PLCXD1: variants seen among roughly 807,000 people sequenced by gnomAD.
PLCXD1 encodes the protein PI-PLC X domain-containing protein 1.
PLCXD1 carries 45 observed loss-of-function variants against 37.8 expected under a neutral mutation model. The observed-to-expected ratio is 1.19, with a 90% CI of 0.94 to 1.53. The LOEUF (loss-of-function observed/expected upper bound fraction) is 1.53. Ranked by LOEUF, PLCXD1 falls within the 40% of genes most tolerant of loss-of-function variation. PLCXD1 has a pLI of 0.00. For synonymous variants in PLCXD1, 246 were observed against 206.9 expected (o/e 1.19, Z -1.62); for missense variants, 539 against 454.7 (o/e 1.19, Z -1.69).
upstream of PLCXD1, among the ~76,000 whole-genome samples, chrX:279,124 GCA>G (rs1444750472): frequency 1.3e-5 from 2 of 152,190 alleles, no homozygotes; most frequent in African/African-American, 4.8e-5. Flanking sequence ...GGTGCGTGGT[GCA>G]CAGATCATAA....
At chrX:283,697 G>C (rs2069353885) in intron 1 of PLCXD1, 1 of 153,788 alleles carries the variant, frequency 6.5e-6, no homozygotes, top group African/African-American at 2.4e-5. Context: ...CACGGGTGGG[G>C]GCGAGGGCAA....
intron 5 of PLCXD1, 92 bp from the exon 6 acceptor site, chrX:292,943 G>C: frequency 1.2e-6 from 1 of 836,086 alleles, no homozygotes; most frequent in Non-Finnish European, 1.9e-6. Flanking sequence ...TACTCGTGTT[G>C]GGCCGGTGTC....
At chrX:293,909 C>T (rs1286937872) in intron 6 of PLCXD1, among the ~76,000 whole-genome samples, 1 of 152,196 alleles carries the variant, frequency 6.6e-6, no homozygotes, top group Non-Finnish European at 1.5e-5. Context: ...AACAGGGTCT[C>T]TCCTTTTAGG....
chrX:296,245 C>A (rs781492014), intron 6 of PLCXD1, among the ~76,000 whole-genome samples: 1 of 152,086 alleles, frequency 6.6e-6, no homozygotes, highest in Non-Finnish European at 1.5e-5. Flanking sequence ...CTCAGCCTCC[C>A]GAGTAGCTGG....
At position 291,495 on chromosome X, in the gene PLCXD1, C is replaced by T; in HGVS notation, c.394-4C>T. 6.2e-7 allele frequency: 1 copy of T among 1,612,336 alleles called. No homozygotes were observed. The highest frequency in any genetic ancestry group is 8.5e-7 in the Non-Finnish European group (1 of 1,179,816). On this transcript the variant is annotated splice_region_variant and splice_polypyrimidine_tract_variant and intron_variant, in intron 4 of 6. Coordinates refer to ENST00000381657, the MANE Select transcript of PLCXD1 (RefSeq NM_018390.4). ...AGGACTCAGCCCAGCACCCCCCTCCCCAGGACACACTCACGGAAATCTCGG... is the reference window on the plus strand; with the variant it reads ...AGGACTCAGCCCAGCACCCCCCTCCTCAGGACACACTCACGGAAATCTCGG...
At position 285,790 on chromosome X, in the gene PLCXD1, ATAAACT is replaced by A. The variant is rs200104796; in HGVS notation, c.127+1479_127+1484del. Among the ~76,000 whole-genome samples the A allele has an allele frequency of 9.4e-3, 1,430 of 152,258 alleles. 20 individuals carry two copies. The highest frequency in any genetic ancestry group is 0.032 in the African/African-American group (1,350 of 41,544). ...AGATACGTATTGTCAACCTAAGGAA[ATAAACT>A]TAGACAAAATTAATATAAGTAGGGG... On this transcript the variant is annotated intron_variant, in intron 2 of 6. Coordinates refer to ENST00000381657, the MANE Select transcript of PLCXD1 (RefSeq NM_018390.4).
upstream of PLCXD1, among the ~76,000 whole-genome samples, chrX:276,644 C>T (rs758459108): frequency 3.9e-5 from 6 of 152,252 alleles, no homozygotes; most frequent in Non-Finnish European, 5.9e-5. Flanking sequence ...AATTCTCTGC[C>T]GGGTCAGAGC....
intron 6 of PLCXD1, among the ~76,000 whole-genome samples, chrX:294,774 A>G (rs1356270829): frequency 6.6e-6 from 1 of 152,150 alleles, no homozygotes; most frequent in Non-Finnish European, 1.5e-5. Flanking sequence ...AGTGTACTCC[A>G]GCCTGGGCAA....
At chrX:296,943 T>A (rs1208198450) in intron 6 of PLCXD1, among the ~76,000 whole-genome samples, 10 of 128,072 alleles carry the variant, frequency 7.8e-5, no homozygotes, top group African/African-American at 3.0e-4. Context: ...ACATGGGGAT[T>A]AGGACGTGGA....
intron 4 of PLCXD1, 40 bp downstream of exon 4, chrX:290,816 G>A (rs780023632): frequency 1.3e-6 from 2 of 1,590,070 alleles, no homozygotes; most frequent in Admixed American, 3.4e-5. Flanking sequence ...GGGAGAGTGG[G>A]AGGCGGCCGG....
intron 6 of PLCXD1, among the ~76,000 whole-genome samples, chrX:297,359 A>G (rs754086261): frequency 1.6e-4 from 9 of 55,780 alleles, no homozygotes; most frequent in East Asian, 1.1e-3. Context: ...CTTTGGGGCC[A>G]TTATTCTGTC....
chrX:281,948 A>G (rs1384890407), intron 1 of PLCXD1, among the ~76,000 whole-genome samples: 2 of 151,898 alleles, frequency 1.3e-5, no homozygotes, highest in African/African-American at 4.8e-5. Context: ...GGGTTTCACC[A>G]TGTTGGCCAG....
At chrX:278,929 G>C (rs1232803247), upstream of PLCXD1, among the ~76,000 whole-genome samples, 1 of 152,112 alleles carries the variant, frequency 6.6e-6, no homozygotes, top group Non-Finnish European at 1.5e-5. Flanking sequence ...TCGGTGCGAA[G>C]AGACCCCCGA....
chrX:291,785 C>A, intron 5 of PLCXD1, 131 bp downstream of exon 5: 3 of 1,004,520 alleles, frequency 3.0e-6, no homozygotes, highest in Non-Finnish European at 4.7e-6. Context: ...CGAACGGGGG[C>A]TGCCTGCTCT....
intron 6 of PLCXD1, among the ~76,000 whole-genome samples, chrX:294,602 C>T (rs899468882): frequency 6.6e-6 from 1 of 151,648 alleles, no homozygotes; most frequent in Non-Finnish European, 1.5e-5. Flanking sequence ...TGCACTCCAG[C>T]CTGGGCGACA....
At chrX:288,353 G>GGATCCA (rs1387093815) in intron 2 of PLCXD1, among the ~76,000 whole-genome samples, 2 of 150,356 alleles carry the variant, frequency 1.3e-5, no homozygotes, top group African/African-American at 4.9e-5. Flanking sequence ...CCAGCTCCTG[G>GGATCCA]GGGCTCCAGG....
upstream of PLCXD1, among the ~76,000 whole-genome samples, chrX:278,587 A>G (rs2069199105): frequency 6.6e-6 from 1 of 151,908 alleles, no homozygotes; most frequent in Non-Finnish European, 1.5e-5. Context: ...AAAAATACAG[A>G]AATTACCTGG....
intron 1 of PLCXD1, 147 bp from the exon 2 acceptor site, chrX:284,020 G>T (rs183742423): frequency 4.7e-6 from 3 of 644,174 alleles, no homozygotes; most frequent in African/African-American, 1.8e-5. Context: ...TAGCTGGGAT[G>T]ACAGGTGCCA....
chrX:299,167 C>T lies in PLCXD1; in HGVS notation c.804C>T (p.Ser268=). 1 of 1,613,896 alleles carries T rather than the reference C, an allele frequency of 6.2e-7. No individual in the cohort carries two copies. Among genetic ancestry groups the T allele is most frequent in the Non-Finnish European group, 8.5e-7 (1 of 1,179,848 alleles). ...ACGTTCTGGCGCACCCGTCCGAGTC[C>T]CTGGAGAAGATGACGCTGCCCAACC... The part of the protein sequence containing the change: ...LQYVLAHPSE[S]LEKMTLPNLP... The change falls in exon 7 of 7, where the codon TCC becomes TCT. Residue 268 remains serine (S), a synonymous_variant. Coordinates refer to ENST00000381657, the MANE Select transcript of PLCXD1 (RefSeq NM_018390.4).
Sources: gnomAD v4.1 joint callset for allele counts (sites outside exome capture counted in the v4.1 genomes callset) on GRCh38, gnomAD v4.1.1 for gene constraint, MANE v1.5 for transcripts, NCBI Gene and HGNC (gene_info 2026-07-23, HGNC 2026-07-21) for gene names.